The following CEP72 variants were observed in gnomAD, a reference collection of about 807,000 sequenced individuals.
CEP72 encodes centrosomal protein 72.
In CEP72, 78 loss-of-function variants were observed where a neutral mutation model predicts 65.7. That is an observed-to-expected ratio of 1.19 (90% CI 0.99 to 1.43). The LOEUF (loss-of-function observed/expected upper bound fraction) is 1.43. CEP72 is among the 40% of genes most tolerant of loss of function. The pLI, the probability that CEP72 is intolerant of heterozygous loss-of-function variation, is 0.00. For synonymous variants in CEP72, 358 were observed against 351.7 expected (o/e 1.02, Z -0.20); for missense variants, 914 against 832.9 (o/e 1.10, Z -1.20).
At chr5:646,876 C>G (rs927041046) in intron 10 of CEP72, among the ~76,000 whole-genome samples, 1 of 152,176 alleles carries the variant, frequency 6.6e-6, no homozygotes, top group African/African-American at 2.4e-5. Context: ...GGGGTTTGTC[C>G]CAGCCTCTTG....
chr5:674,036 G>T, the CEP72 span, among the ~76,000 whole-genome samples: 2 of 152,230 alleles, frequency 1.3e-5, no homozygotes, highest in Non-Finnish European at 2.9e-5. Context: ...ACTGCACTTG[G>T]TGTGTCCGGG....
chr5:666,022 C>A (rs371896286), exon 4 of CEP72: 4 of 1,610,058 alleles, frequency 2.5e-6, no homozygotes, highest in African/African-American at 2.7e-5. Flanking sequence ...GTGCACCTCG[C>A]GAACGGCCTC....
chr5:633,990 C>T, intron 5 of CEP72, 43 bp downstream of exon 5: 3 of 1,583,996 alleles, frequency 1.9e-6, no homozygotes, highest in Non-Finnish European at 2.6e-6. Context: ...TCCGCTGGCT[C>T]TGGGATATAT....
chr5:616,825 T>TGC (rs1736022292), intron 1 of CEP72, among the ~76,000 whole-genome samples: 2 of 151,196 alleles, frequency 1.3e-5, no homozygotes, highest in Non-Finnish European at 3.0e-5. Flanking sequence ...TATGTGTGTG[T>TGC]GTGTGTGCGC....
At chr5:648,961 C>A (rs1211183867) in intron 11 of CEP72, among the ~76,000 whole-genome samples, 1 of 127,104 alleles carries the variant, frequency 7.9e-6, no homozygotes, top group East Asian at 2.5e-4. Context: ...GACCACGAGG[C>A]ATGGACTGTG....
intron 4 of CEP72, among the ~76,000 whole-genome samples, chr5:625,112 G>A (rs554621153): frequency 2.0e-5 from 3 of 152,290 alleles, no homozygotes; most frequent in East Asian, 3.9e-4. Flanking sequence ...TGTGTGAGCC[G>A]GGCCTGCTTC....
At chr5:671,673 C>T (rs1446705172), downstream of CEP72, among the ~76,000 whole-genome samples, 2 of 151,884 alleles carry the variant, frequency 1.3e-5, no homozygotes, top group African/African-American at 2.4e-5. Flanking sequence ...GCTCCTGAAC[C>T]CTCAGCCACA....
At chr5:669,106 C>T (rs1740085328), downstream of CEP72, among the ~76,000 whole-genome samples, 1 of 152,248 alleles carries the variant, frequency 6.6e-6, no homozygotes, top group African/African-American at 2.4e-5. Context: ...CCTCACGCCT[C>T]ATGGGGTCCC....
chr5:640,393 G>T lies in CEP72; in HGVS notation c.1343-15G>T. 1 of 1,607,472 alleles carries T rather than the reference G, an allele frequency of 6.2e-7. No individual in the cohort carries two copies. Among genetic ancestry groups the T allele is most frequent in the South Asian group, 1.1e-5 (1 of 90,546 alleles). ...AAGCCTAAGTGCTAATGTAATATTT[G>T]GTTTTCACTCCTAGCTCAGGCAAGA... On this transcript the variant is annotated splice_polypyrimidine_tract_variant and intron_variant, in intron 8 of 11. Transcript: ENST00000264935.
the CEP72 span, among the ~76,000 whole-genome samples, chr5:673,620 C>T: frequency 6.6e-6 from 1 of 152,216 alleles, no homozygotes; most frequent in Non-Finnish European, 1.5e-5. Flanking sequence ...AGCCTCAACC[C>T]CTCGCTGGGC....
chr5:673,958 C>T, the CEP72 span, among the ~76,000 whole-genome samples: 8 of 152,340 alleles, frequency 5.3e-5, no homozygotes, highest in South Asian at 1.0e-3. Context: ...TGTGCACATG[C>T]GGCCATGTGC....
chr5:665,940 G>T, intron 3 of CEP72: 1 of 274,376 alleles, frequency 3.6e-6, no homozygotes, highest in Non-Finnish European at 5.5e-6. Flanking sequence ...ACCCCCTCCA[G>T]GCCCCGCCTT....
chr5:613,092 A>G (rs932330455), intron 1 of CEP72, among the ~76,000 whole-genome samples: 4 of 152,120 alleles, frequency 2.6e-5, no homozygotes, highest in African/African-American at 9.7e-5. Context: ...ATATTAGTTC[A>G]CCGCGAGTCT....
chr5:649,597 A>G (rs1450186994), intron 11 of CEP72, among the ~76,000 whole-genome samples: 1 of 88,136 alleles, frequency 1.1e-5, no homozygotes, highest in African/African-American at 4.4e-5. Context: ...CTGAGGCGTG[A>G]CTGTGAGGCG....
chr5:624,707 A>G lies in CEP72; in HGVS notation c.512+128A>G. On this transcript the variant is annotated intron_variant, in intron 4 of 11. Coordinates refer to ENST00000264935, the MANE Select transcript of CEP72 (RefSeq NM_018140.4). This position sits in a 1 kb window ranked among gnomAD's most constrained non-coding sequence, Gnocchi z 4.7. ...GCGGACACCAGGAGGGAGGAAGGGC[A>G]GAGCCTGCCTGGCGGGGACTCCGTG... The G allele has an allele frequency of 1.4e-6, 1 of 710,760 alleles. No homozygotes were observed. The highest frequency in any genetic ancestry group is 1.6e-5 in the South Asian group (1 of 62,144). The allele number at this position is 710,760 out of a possible 1,614,324, so 44.0% of individuals were successfully genotyped here.
chr5:617,171 CCA>C (rs1736048836), intron 1 of CEP72, among the ~76,000 whole-genome samples: 1 of 152,084 alleles, frequency 6.6e-6, no homozygotes, highest in Non-Finnish European at 1.5e-5. Context: ...AAACAAAACC[CCA>C]GAGTCAAGCC....
the CEP72 span, among the ~76,000 whole-genome samples, chr5:674,033 T>G: frequency 6.6e-6 from 1 of 152,236 alleles, no homozygotes; most frequent in Non-Finnish European, 1.5e-5. Context: ...GGCACTGCAC[T>G]TGGTGTGTCC....
At chr5:616,059 T>G (rs1735969962) in intron 1 of CEP72, among the ~76,000 whole-genome samples, 1 of 152,242 alleles carries the variant, frequency 6.6e-6, no homozygotes, top group African/African-American at 2.4e-5. Flanking sequence ...GCCTTTTCAG[T>G]AACTCAGGAG....
Position 612,373 on chromosome 5 carries a change from T to A in CEP72, c.12T>A (p.Ala4=). Residue 4 remains alanine, a synonymous_variant, in exon 1 of 12, where the codon GCT becomes GCA. Transcript: ENST00000264935. MAR[A]GPRLVLSEEA... The stretch of plus-strand genomic sequence containing the variant: ...GCTCCGTTTGAAACATGGCGCGGGC[T>A]GGCCCTCGGCTGGTGCTGAGCGAGG... 1 of 1,490,228 alleles carries A rather than the reference T, an allele frequency of 6.7e-7. No homozygotes were observed. The highest frequency in any genetic ancestry group is 1.3e-5 in the South Asian group (1 of 79,586). The allele number at this position is 1,490,228 out of a possible 1,614,324, so 92.3% of individuals were successfully genotyped here.
Sources: gnomAD v4.1 joint callset for allele counts (sites outside exome capture counted in the v4.1 genomes callset) on GRCh38, gnomAD v4.1.1 for gene constraint, Gnocchi (gnomAD v3.1) non-coding constraint, MANE v1.5 for transcripts, NCBI Gene and HGNC (gene_info 2026-07-23, HGNC 2026-07-21) for gene names.